SPON1: variants seen among roughly 807,000 people sequenced by gnomAD.
SPON1 encodes the protein spondin 1, also known as spondin-1.
Under a neutral mutation model 111.7 loss-of-function variants are expected in SPON1, and 52 were observed. That is an observed-to-expected ratio of 0.47 (90% CI 0.37 to 0.59). The LOEUF (loss-of-function observed/expected upper bound fraction) is 0.59. Among genes scored for constraint, SPON1 ranks in the 20% least tolerant of loss-of-function variants. SPON1 has a pLI of 0.00. For synonymous variants in SPON1, 410 were observed against 395.8 expected (o/e 1.04, Z -0.43); for missense variants, 957 against 1,068.5 (o/e 0.90, Z 1.46).
chr11:14,168,815 T>C (rs1430297503), intron 6 of SPON1, among the ~76,000 whole-genome samples: 1 of 152,212 alleles, frequency 6.6e-6, no homozygotes, highest in East Asian at 1.9e-4. Context: ...TCCACGTCCC[T>C]ACGAAGGACA....
chr11:14,165,076 A>T (rs1370639532), intron 6 of SPON1, among the ~76,000 whole-genome samples: 4 of 152,284 alleles, frequency 2.6e-5, no homozygotes, highest in African/African-American at 7.2e-5. Context: ...TACAAAGGCA[A>T]TCTAGTCCCC....
In SPON1 at chr11:14,135,405, G is replaced by C. The variant is rs879947650; in HGVS notation, c.677-15G>C. On this transcript the variant is annotated splice_polypyrimidine_tract_variant and intron_variant, in intron 5 of 15. Coordinates refer to ENST00000576479, the MANE Select transcript of SPON1 (RefSeq NM_006108.4). This position sits in a 1 kb window ranked among gnomAD's most constrained non-coding sequence, Gnocchi z 4.4. ...ACAGCCATGCTGATAACTGCCTCCTGATTGGCTTTCCCAGGTCGGGCCAAC... is the reference window on the plus strand; with the variant it reads ...ACAGCCATGCTGATAACTGCCTCCTCATTGGCTTTCCCAGGTCGGGCCAAC... The C allele has an allele frequency of 6.2e-7, 1 of 1,601,852 alleles. No individual in the cohort carries two copies. The highest frequency in any genetic ancestry group is 1.3e-5 in the African/African-American group (1 of 74,814).
At chr11:14,239,480 C>G (rs1181730699) in intron 6 of SPON1, among the ~76,000 whole-genome samples, 2 of 152,182 alleles carry the variant, frequency 1.3e-5, no homozygotes, top group Non-Finnish European at 2.9e-5. Flanking sequence ...AATCCCAGCA[C>G]TTTGGGAGGC....
chr11:14,252,194 C>T (rs1406529218), intron 7 of SPON1, among the ~76,000 whole-genome samples: 1 of 152,234 alleles, frequency 6.6e-6, no homozygotes, highest in Non-Finnish European at 1.5e-5. Flanking sequence ...AAGGAACTCC[C>T]GGTCTAAGCT....
intron 6 of SPON1, among the ~76,000 whole-genome samples, chr11:14,158,897 C>G (rs1847879525): frequency 6.6e-6 from 1 of 152,146 alleles, no homozygotes; most frequent in Non-Finnish European, 1.5e-5. Context: ...CTAACCCAAT[C>G]TCACTTGCTG....
intron 5 of SPON1, among the ~76,000 whole-genome samples, chr11:14,081,028 G>A (rs782813030): frequency 9.2e-5 from 14 of 151,582 alleles, no homozygotes; most frequent in Non-Finnish European, 1.6e-4. Context: ...AGGCTGCAGT[G>A]AGCCATGACC....
At chr11:14,014,155 A>G (rs564168569) in intron 2 of SPON1, among the ~76,000 whole-genome samples, 29 of 152,264 alleles carry the variant, frequency 1.9e-4, no homozygotes, top group Admixed American at 9.2e-4. Context: ...TCTGGCTCCT[A>G]GATCTTCATC....
chr11:14,207,147 G>A (rs7928910), intron 6 of SPON1, among the ~76,000 whole-genome samples: 85,861 of 152,010 alleles, frequency 0.56, 24,688 homozygotes, highest in African/African-American at 0.67. Context: ...AGGATTTCCT[G>A]TTCAATAAAT....
chr11:14,095,835 G>A (rs1355347559), intron 5 of SPON1, among the ~76,000 whole-genome samples: 1 of 152,208 alleles, frequency 6.6e-6, no homozygotes, highest in Non-Finnish European at 1.5e-5. Flanking sequence ...GCACCCAATG[G>A]CGCAGCTGAC....
At chr11:14,102,029 G>A (rs1490899103) in intron 5 of SPON1, among the ~76,000 whole-genome samples, 1 of 152,136 alleles carries the variant, frequency 6.6e-6, no homozygotes, top group Non-Finnish European at 1.5e-5. Flanking sequence ...CAGACATCAT[G>A]CCTGTCCTTT....
At chr11:14,207,604 GA>G (rs1189357242) in intron 6 of SPON1, among the ~76,000 whole-genome samples, 4 of 151,932 alleles carry the variant, frequency 2.6e-5, no homozygotes, top group South Asian at 2.1e-4. Context: ...ACAACCATAT[GA>G]AAAAAAACCT....
At chr11:14,004,809 T>G (rs1380064500) in intron 2 of SPON1, among the ~76,000 whole-genome samples, 1 of 152,160 alleles carries the variant, frequency 6.6e-6, no homozygotes, top group Admixed American at 6.5e-5. Context: ...CTTTTCTTTC[T>G]TTCTTTTTTC....
intron 6 of SPON1, among the ~76,000 whole-genome samples, chr11:14,204,995 C>T (rs1554936039): frequency 1.3e-5 from 2 of 152,180 alleles, no homozygotes; most frequent in African/African-American, 2.4e-5. Flanking sequence ...CCGATCCTCC[C>T]TATTCTTTAT....
chr11:14,143,664 CA>C (rs1429795978), intron 6 of SPON1, among the ~76,000 whole-genome samples: 7 of 147,580 alleles, frequency 4.7e-5, no homozygotes, highest in Admixed American at 3.4e-4. Context: ...GGGCCCTAGC[CA>C]AAGGACAGGA....
At chr11:14,049,544 A>ATC (rs1215420834) in intron 3 of SPON1, among the ~76,000 whole-genome samples, 1 of 152,264 alleles carries the variant, frequency 6.6e-6, no homozygotes, top group East Asian at 1.9e-4. Flanking sequence ...CTTCCACTGC[A>ATC]TCTCTCTCTC....
intron 6 of SPON1, among the ~76,000 whole-genome samples, chr11:14,202,505 T>G (rs1343317319): frequency 3.3e-5 from 5 of 152,188 alleles, no homozygotes; most frequent in Non-Finnish European, 5.9e-5. Flanking sequence ...CAATACCCTC[T>G]AACGGCCCCA....
At chr11:14,261,826 A>T (rs1849186927) in intron 14 of SPON1, among the ~76,000 whole-genome samples, 1 of 152,082 alleles carries the variant, frequency 6.6e-6, no homozygotes, top group Admixed American at 6.5e-5. Context: ...GGAGCATCTC[A>T]TTTAATCCTT....
At chr11:14,011,109 G>A (rs1052482875) in intron 2 of SPON1, among the ~76,000 whole-genome samples, 1 of 152,134 alleles carries the variant, frequency 6.6e-6, no homozygotes, top group East Asian at 1.9e-4. Flanking sequence ...TCCTATCCTC[G>A]GCAGCTGAGT....
At chr11:14,127,498 C>G (rs77485340) in intron 5 of SPON1, among the ~76,000 whole-genome samples, 3,305 of 152,238 alleles carry the variant, frequency 0.022, 123 homozygotes, top group African/African-American at 0.075. Flanking sequence ...TTCAGACCCT[C>G]TCCCTTCCTA....
Sources: allele counts gnomAD v4.1 joint callset (sites outside exome capture counted in the v4.1 genomes callset), GRCh38; gene constraint gnomAD v4.1.1; non-coding constraint Gnocchi (gnomAD v3.1); transcripts MANE v1.5; gene names NCBI Gene and HGNC (gene_info 2026-07-23, HGNC 2026-07-21).